Variants in FOXN3 observed in about 807,000 individuals in gnomAD.
FOXN3 encodes the protein forkhead box N3.
FOXN3 carries 7 observed loss-of-function variants against 38.4 expected under a neutral mutation model. The observed-to-expected ratio is 0.18, with a 90% CI of 0.10 to 0.34. The LOEUF (loss-of-function observed/expected upper bound fraction) is 0.34. FOXN3 is among the 10% of genes least tolerant of loss of function. The pLI, the probability that FOXN3 is intolerant of heterozygous loss-of-function variation, is 1.00. For synonymous variants in FOXN3, 230 were observed against 242.2 expected (o/e 0.95, Z 0.47); for missense variants, 456 against 613.4 (o/e 0.74, Z 2.71).
At chr14:89,411,239 C>T (rs1304150122) in intron 2 of FOXN3, among the ~76,000 whole-genome samples, 1 of 152,204 alleles carries the variant, frequency 6.6e-6, no homozygotes, top group Non-Finnish European at 1.5e-5. Flanking sequence ...TGGCTCTCCA[C>T]AAAATGGGTC....
chr14:89,508,079 T>C lies in FOXN3; in HGVS notation c.-14-95589A>G, dbSNP rs1596302053. 2.6e-5 allele frequency among the ~76,000 whole-genome samples: 4 copies of C among 152,308 alleles called. No individual in the cohort carries two copies. The South Asian group carries it at 8.3e-4, about 32-fold the overall frequency. On this transcript the variant is annotated intron_variant, in intron 1 of 6. Coordinates refer to the FOXN3 transcript ENST00000345097. ...GTTTTGGGAGGGTGGGCCGACTATA[T>C]GATGCCCAATCCTAGCATAAACCAG... is the stretch of plus-strand genomic sequence containing the variant.
At chr14:89,602,288 C>CAAAAAAAAA (rs111592437) in intron 1 of FOXN3, among the ~76,000 whole-genome samples, 11 of 133,692 alleles carry the variant, frequency 8.2e-5, no homozygotes, top group African/African-American at 3.0e-4. Context: ...GACTTTGTGT[C>CAAAAAAAAA]AAAAAAAAAA....
At chr14:89,611,761 G>A (rs936551746) in intron 1 of FOXN3, among the ~76,000 whole-genome samples, 13 of 147,672 alleles carry the variant, frequency 8.8e-5, no homozygotes, top group Non-Finnish European at 1.3e-4. Context: ...AGCCGAGATC[G>A]TGCCACTGCA....
chr14:89,575,097 T>G (rs954242899), intron 1 of FOXN3, among the ~76,000 whole-genome samples: 5 of 152,214 alleles, frequency 3.3e-5, no homozygotes, highest in Middle Eastern at 3.2e-3. Context: ...ATACTGACTC[T>G]GATGAAAGCT....
At chr14:89,429,433 A>C (rs1034055391) in intron 1 of FOXN3, among the ~76,000 whole-genome samples, 3 of 152,154 alleles carry the variant, frequency 2.0e-5, no homozygotes, top group African/African-American at 7.2e-5. Context: ...AGTAGCTTGA[A>C]TATCAAACCA....
intron 4 of FOXN3, among the ~76,000 whole-genome samples, chr14:89,271,940 G>A (rs948541157): frequency 9.2e-5 from 14 of 152,230 alleles, no homozygotes; most frequent in Admixed American, 7.9e-4. Context: ...ACTTCGAGCA[G>A]AACAATTGCT....
At chr14:89,392,404 C>T (rs11159907) in intron 2 of FOXN3, among the ~76,000 whole-genome samples, 127,583 of 152,226 alleles carry the variant, frequency 0.84, 53,489 homozygotes, top group South Asian at 0.91. Flanking sequence ...TGCCACAAGC[C>T]GGATGGCCCC....
At chr14:89,322,787 G>A (rs1887932546) in intron 3 of FOXN3, among the ~76,000 whole-genome samples, 2 of 152,114 alleles carry the variant, frequency 1.3e-5, no homozygotes, top group Non-Finnish European at 2.9e-5. Flanking sequence ...GTCAATGGCA[G>A]CTATCCAGTT....
At chr14:89,317,541 A>G (rs1566954775) in intron 3 of FOXN3, among the ~76,000 whole-genome samples, 1 of 152,090 alleles carries the variant, frequency 6.6e-6, no homozygotes, top group Non-Finnish European at 1.5e-5. Flanking sequence ...GGAAAGGCAA[A>G]TTTCAGCAGG....
intron 1 of FOXN3, among the ~76,000 whole-genome samples, chr14:89,552,974 T>A (rs1895036827): frequency 6.6e-6 from 1 of 152,016 alleles, no homozygotes; most frequent in Non-Finnish European, 1.5e-5. Flanking sequence ...TGGGCCTCTA[T>A]GAGAAAATTG....
intron 4 of FOXN3, among the ~76,000 whole-genome samples, chr14:89,258,743 T>C (rs1053495505): frequency 1.3e-5 from 2 of 152,246 alleles, no homozygotes; most frequent in African/African-American, 4.8e-5. Context: ...ACCTTTCCCA[T>C]CTATGTAGCT....
intron 1 of FOXN3, among the ~76,000 whole-genome samples, chr14:89,579,212 A>G (rs1895696804): frequency 6.9e-6 from 1 of 145,244 alleles, no homozygotes; most frequent in South Asian, 2.2e-4. Context: ...GTACACTGGC[A>G]TGATCATGGC....
intron 4 of FOXN3, among the ~76,000 whole-genome samples, chr14:89,265,259 C>G (rs1885935842): frequency 6.6e-6 from 1 of 152,172 alleles, no homozygotes; most frequent in African/African-American, 2.4e-5. Context: ...AAACCAGGAA[C>G]AGTGATGCCT....
intron 3 of FOXN3, among the ~76,000 whole-genome samples, chr14:89,317,133 A>G (rs1887742757): frequency 6.6e-6 from 1 of 152,238 alleles, no homozygotes; most frequent in African/African-American, 2.4e-5. Context: ...ACCTAATGCA[A>G]AAAAACAAAA....
Position 89,548,807 on chromosome 14 carries a change from T to C in FOXN3, c.-15+70221A>G, listed in dbSNP as rs1290846748. Among the ~76,000 whole-genome samples the C allele has an allele frequency of 3.3e-5, 5 of 152,148 alleles. No homozygotes were observed. The highest frequency in any genetic ancestry group is 7.4e-5 in the Non-Finnish European group (5 of 68,020). ...GACAAAGTTTTCAAAATGAGAAATA[T>C]CAGAACAAGGTATTCAGTTTTTTAT... On this transcript the variant is annotated intron_variant, in intron 1 of 6. Coordinates refer to the FOXN3 transcript ENST00000345097. This position sits in a 1 kb window ranked among gnomAD's most constrained non-coding sequence, Gnocchi z 4.8.
intron 4 of FOXN3, among the ~76,000 whole-genome samples, chr14:89,188,235 T>C (rs1887858958): frequency 6.6e-6 from 1 of 152,214 alleles, no homozygotes; most frequent in Admixed American, 6.5e-5. Flanking sequence ...GTGGCTACCC[T>C]GGAAAAAGAA....
In FOXN3 at chr14:89,374,290, A is replaced by AAAG. The variant is rs60304712; in HGVS notation, c.544-23483_544-23482insCTT. ...AAAAAAAAAAAAAAAAAAAAAAAAA[A>AAAG]GAAGGAAGGAAAGGAAAAGAAAAAG... On this transcript the variant is annotated intron_variant, in intron 2 of 5. Coordinates refer to ENST00000557258, the MANE Select transcript of FOXN3 (RefSeq NM_005197.4). 3.6e-3 allele frequency among the ~76,000 whole-genome samples: 449 copies of AAAG among 126,164 alleles called. 26 individuals are homozygous for AAAG. Among genetic ancestry groups the AAAG allele is most frequent in the Middle Eastern group, 0.019 (4 of 210 alleles). 82.8% of individuals were successfully genotyped at this position (126,164 alleles called of 152,430 possible). A position where few individuals can be genotyped will look rare whatever the true frequency, so the allele number is the denominator to read the frequency against.
intron 4 of FOXN3, among the ~76,000 whole-genome samples, chr14:89,241,757 C>G (rs1447157856): frequency 1.3e-5 from 2 of 152,166 alleles, no homozygotes; most frequent in African/African-American, 2.4e-5. Context: ...ACGTGGAACC[C>G]TGGAGAAGCA....
At chr14:89,237,326 G>T (rs533140492) in intron 4 of FOXN3, among the ~76,000 whole-genome samples, 1 of 152,250 alleles carries the variant, frequency 6.6e-6, no homozygotes, top group East Asian at 1.9e-4. Flanking sequence ...AAAAAATAGT[G>T]ACAACACCAA....
Sources: allele counts gnomAD v4.1 joint callset (sites outside exome capture counted in the v4.1 genomes callset), GRCh38; gene constraint gnomAD v4.1.1; non-coding constraint Gnocchi (gnomAD v3.1); transcripts MANE v1.5; gene names NCBI Gene and HGNC (gene_info 2026-07-23, HGNC 2026-07-21).